The following RABGAP1L variants were observed in gnomAD, a reference collection of about 807,000 sequenced individuals.
RABGAP1L encodes RAB GTPase activating protein 1 like.
In RABGAP1L, 63 loss-of-function variants were observed where a neutral mutation model predicts 137.7. That is an observed-to-expected ratio of 0.46 (90% confidence interval 0.37 to 0.56). The LOEUF is 0.56. RABGAP1L is among the 20% of genes least tolerant of loss of function. The pLI is 0.00. For synonymous variants in RABGAP1L, 431 were observed against 433.7 expected, an observed-to-expected ratio of 0.99 and a Z score of 0.08; for missense variants, 1,095 against 1,244.0, an observed-to-expected ratio of 0.88 and a Z score of 1.80.
intron 13 of RABGAP1L, among the ~76,000 whole-genome samples, chr1:174,521,593 G>T (rs1227404050): frequency 6.6e-6 from 1 of 152,122 alleles, no homozygotes; most frequent in African/African-American, 2.4e-5. Context: ...AAATTGCAAG[G>T]GCAAAGAAAA....
At chr1:174,349,044 C>CGG (rs551877098) in intron 11 of RABGAP1L, among the ~76,000 whole-genome samples, 349 of 102,570 alleles carry the variant, frequency 3.4e-3, no homozygotes, top group African/African-American at 8.6e-3. Context: ...GCTGGCCGGG[C>CGG]GGGGGGGGGG....
chr1:174,658,715 A>G (rs1367363790), intron 14 of RABGAP1L, among the ~76,000 whole-genome samples: 1 of 151,960 alleles, frequency 6.6e-6, no homozygotes, highest in African/African-American at 2.4e-5. Flanking sequence ...GACACTCCAC[A>G]CCAGGCCACC....
At chr1:174,170,788 G>T (rs1327123286) in intron 1 of RABGAP1L, among the ~76,000 whole-genome samples, 1 of 151,982 alleles carries the variant, frequency 6.6e-6, no homozygotes, top group Non-Finnish European at 1.5e-5. Flanking sequence ...CTTTAAATGG[G>T]ATGGTACTTG....
chr1:174,230,040 C>T (rs1184967199), intron 3 of RABGAP1L, among the ~76,000 whole-genome samples: 1 of 152,112 alleles, frequency 6.6e-6, no homozygotes, highest in African/African-American at 2.4e-5. Context: ...AAATGTGGCA[C>T]ATATACACCA....
At chr1:174,231,480 G>T in intron 4 of RABGAP1L, 125 bp downstream of exon 4, 3 of 867,840 alleles carry the variant, frequency 3.5e-6, no homozygotes, top group Non-Finnish European at 3.7e-6. Context: ...GAGTAAACAT[G>T]TTTAGGCTTA....
intron 1 of RABGAP1L, among the ~76,000 whole-genome samples, chr1:174,187,752 A>G (rs1666915649): frequency 6.6e-6 from 1 of 152,052 alleles, no homozygotes; most frequent in African/African-American, 2.4e-5. Flanking sequence ...TCTTGTAGGA[A>G]ACTTAGAAAC....
At chr1:174,379,407 T>A (rs1044047166) in intron 12 of RABGAP1L, among the ~76,000 whole-genome samples, 16 of 149,278 alleles carry the variant, frequency 1.1e-4, no homozygotes, top group Non-Finnish European at 2.1e-4. Flanking sequence ...TATTGATTCT[T>A]CCTACCCATG....
intron 19 of RABGAP1L, among the ~76,000 whole-genome samples, chr1:174,867,669 A>G (rs1294309915): frequency 6.6e-6 from 1 of 152,114 alleles, no homozygotes; most frequent in Non-Finnish European, 1.5e-5. Context: ...TATCTGAGAC[A>G]GAGTCTTGCT....
intron 19 of RABGAP1L, among the ~76,000 whole-genome samples, chr1:174,866,125 GA>G (rs1651186443): frequency 7.1e-6 from 1 of 141,188 alleles, no homozygotes; most frequent in Non-Finnish European, 1.5e-5. Context: ...GAGAGAGAGA[GA>G]GAGAGAGAGA....
intron 17 of RABGAP1L, among the ~76,000 whole-genome samples, chr1:174,743,451 G>A (rs184932082): frequency 3.9e-4 from 60 of 152,302 alleles, no homozygotes; most frequent in Non-Finnish European, 7.6e-4. Flanking sequence ...TATTGGGTCA[G>A]TTTGAAACAC....
chr1:174,415,050 A>G (rs1650390536), intron 13 of RABGAP1L, among the ~76,000 whole-genome samples: 1 of 152,124 alleles, frequency 6.6e-6, no homozygotes. Flanking sequence ...TATTGGGGAT[A>G]TTATTGATAC....
intron 18 of RABGAP1L, among the ~76,000 whole-genome samples, chr1:174,789,940 G>T (rs1281573743): frequency 2.0e-5 from 3 of 152,152 alleles, no homozygotes; most frequent in Admixed American, 6.5e-5. Flanking sequence ...AGGTGTGGTG[G>T]CTCATGACAG....
intron 19 of RABGAP1L, among the ~76,000 whole-genome samples, chr1:174,938,288 G>A (rs1305287006): frequency 6.6e-6 from 1 of 152,198 alleles, no homozygotes; most frequent in Non-Finnish European, 1.5e-5. Context: ...CAGGCTTAGT[G>A]TTCCCACCCT....
chr1:174,603,417 A>G (rs1670557987), intron 13 of RABGAP1L, among the ~76,000 whole-genome samples: 1 of 152,134 alleles, frequency 6.6e-6, no homozygotes, highest in Non-Finnish European at 1.5e-5. Context: ...AATCCAGCAC[A>G]GTACTGGGTC....
chr1:174,280,145 T>C (rs1487577954), intron 10 of RABGAP1L, among the ~76,000 whole-genome samples: 2 of 151,388 alleles, frequency 1.3e-5, no homozygotes, highest in East Asian at 3.9e-4. Context: ...GACCTGAGAC[T>C]ATAACTCCTT....
At chr1:174,370,955 T>C (rs1251423726) in intron 11 of RABGAP1L, 24 bp from the exon 12 acceptor site, 2 of 1,277,666 alleles carry the variant, frequency 1.6e-6, no homozygotes, top group East Asian at 2.4e-5. Context: ...ATAATGTTTG[T>C]TGGTTTTTGC....
intron 13 of RABGAP1L, among the ~76,000 whole-genome samples, chr1:174,590,186 C>A (rs991933376): frequency 9.2e-6 from 1 of 108,238 alleles, no homozygotes; most frequent in African/African-American, 3.5e-5. Context: ...TTATAAATTA[C>A]CATGTCTCAG....
At chr1:174,181,300 C>G (rs570653291) in intron 1 of RABGAP1L, among the ~76,000 whole-genome samples, 2 of 151,452 alleles carry the variant, frequency 1.3e-5, no homozygotes, top group East Asian at 3.9e-4. Flanking sequence ...GCCACTGTGC[C>G]TAGCTACTAA....
In RABGAP1L at chr1:174,316,661, G is replaced by C. The variant is rs574045598; in HGVS notation, c.1465+11534G>C. ...TCTCTGTCACCACTCCCTGGCTACT[G>C]CCTATGTTCACTCAGGCTCTGGAGC... is the stretch of plus-strand genomic sequence containing the variant. On this transcript the variant is annotated intron_variant, in intron 11 of 25. Transcript: ENST00000681986. Among the ~76,000 whole-genome samples, 7 of 152,258 alleles carry C rather than the reference G, an allele frequency of 4.6e-5. No individual in the cohort carries two copies. In the South Asian group the frequency reaches 1.5e-3, roughly 32 times the overall value.
Sources: gnomAD v4.1 joint callset for allele counts (sites outside exome capture counted in the v4.1 genomes callset) on GRCh38, gnomAD v4.1.1 for gene constraint, MANE v1.5 for transcripts, NCBI Gene and HGNC (gene_info 2026-07-23, HGNC 2026-07-21) for gene names.